PAFAH1B1: variants seen among roughly 807,000 people sequenced by gnomAD.
The protein encoded by PAFAH1B1 is platelet-activating factor acetylhydrolase IB subunit beta.
PAFAH1B1 carries 2 observed loss-of-function variants against 57.5 expected under a neutral mutation model. That is an observed-to-expected ratio of 0.03 (90% CI 0.01 to 0.11). The LOEUF (loss-of-function observed/expected upper bound fraction) is 0.11, where lower values mean the gene tolerates loss of function less well. Ranked by LOEUF, PAFAH1B1 falls within the 10% of genes least tolerant of loss-of-function variation. PAFAH1B1 has a pLI of 1.00. For synonymous variants in PAFAH1B1, 152 were observed against 169.6 expected (o/e 0.90, Z 0.81); for missense variants, 257 against 512.0 (o/e 0.50, Z 4.81).
intron 1 of PAFAH1B1, among the ~76,000 whole-genome samples, chr17:2,599,183 T>G (rs747906150): frequency 4.6e-5 from 7 of 152,230 alleles, no homozygotes; most frequent in Non-Finnish European, 1.0e-4. Flanking sequence ...TTTGTTCTTC[T>G]GCCAGCTACT....
chr17:2,626,560 C>T (rs1213195158), intron 1 of PAFAH1B1, among the ~76,000 whole-genome samples: 1 of 44,972 alleles, frequency 2.2e-5, no homozygotes, highest in African/African-American at 6.8e-5. Context: ...TCTTCCCCCC[C>T]CCCCCCCCCC....
At chr17:2,630,304 G>A (rs2068539887) in intron 1 of PAFAH1B1, among the ~76,000 whole-genome samples, 1 of 152,146 alleles carries the variant, frequency 6.6e-6, no homozygotes. Flanking sequence ...TGGTGGCTTG[G>A]TAATGGTGAA....
At chr17:2,637,595 G>A (rs563992269) in intron 1 of PAFAH1B1, among the ~76,000 whole-genome samples, 2 of 152,178 alleles carry the variant, frequency 1.3e-5, no homozygotes, top group Admixed American at 1.3e-4. Flanking sequence ...AATAAAAAGC[G>A]TAAGATTGCT....
At position 2,677,983 on chromosome 17, in the gene PAFAH1B1, G is replaced by A. The variant is rs1462979024; in HGVS notation, c.1002+1377G>A. 3.9e-5 allele frequency among the ~76,000 whole-genome samples: 6 copies of A among 152,074 alleles called. No homozygotes were observed. The South Asian group carries it at 6.2e-4, about 16-fold the overall frequency. ...ATAATTAAAATAAAGCAGGCCAGGC[G>A]CAGTGGCTCACTCCTGCAATCCCAG... On this transcript the variant is annotated intron_variant, in intron 9 of 10. Transcript: ENST00000397195.
At chr17:2,680,511 G>A (rs551368937) in intron 10 of PAFAH1B1, among the ~76,000 whole-genome samples, 191 bp downstream of exon 10, 3 of 152,134 alleles carry the variant, frequency 2.0e-5, no homozygotes, top group African/African-American at 7.2e-5. Flanking sequence ...TCTTTCCATC[G>A]TTAGCCTTAT....
At chr17:2,673,644 A>T (rs943967980) in intron 7 of PAFAH1B1, 23 of 188,516 alleles carry the variant, frequency 1.2e-4, no homozygotes, top group Admixed American at 8.2e-4. Flanking sequence ...GTCTCAAAAA[A>T]AAAAAACAAA....
chr17:2,621,449 C>T (rs1475030027), intron 1 of PAFAH1B1, among the ~76,000 whole-genome samples: 1 of 152,122 alleles, frequency 6.6e-6, no homozygotes, highest in Non-Finnish European at 1.5e-5. Context: ...TATCAGGAAA[C>T]ATTGCTTAAC....
intron 1 of PAFAH1B1, among the ~76,000 whole-genome samples, chr17:2,606,415 G>T (rs953991018): frequency 3.3e-5 from 5 of 151,960 alleles, no homozygotes; most frequent in African/African-American, 1.2e-4. Context: ...GCCCAGGCTG[G>T]AGTGCAATGA....
At chr17:2,650,860 A>G (rs2068840653) in intron 2 of PAFAH1B1, among the ~76,000 whole-genome samples, 1 of 151,824 alleles carries the variant, frequency 6.6e-6, no homozygotes. Context: ...TAGTGTTTAC[A>G]TTTTTCTTGT....
intron 1 of PAFAH1B1, among the ~76,000 whole-genome samples, chr17:2,629,265 G>A (rs1200408025): frequency 6.6e-6 from 1 of 152,074 alleles, no homozygotes; most frequent in Admixed American, 6.6e-5. Context: ...TGCGTTTGCT[G>A]TATCCCAGAG....
chr17:2,603,741 CTTT>C (rs540782310), intron 1 of PAFAH1B1, among the ~76,000 whole-genome samples: 4 of 144,358 alleles, frequency 2.8e-5, no homozygotes, highest in Non-Finnish European at 4.6e-5. Context: ...TCTCCAGATT[CTTT>C]TTTTTTTTTT....
rs1371814248 is a variant in PAFAH1B1, at chr17:2,683,290, T to G, written c.*1488T>G. 6.6e-6 allele frequency: 1 copy of G among 152,144 alleles called. No individual in the cohort carries two copies. The highest frequency in any genetic ancestry group is 1.5e-5 in the Non-Finnish European group (1 of 67,992). The allele number at this position is 152,144 out of a possible 1,614,324, so 9.4% of individuals were successfully genotyped here. On this transcript the variant is annotated 3_prime_UTR_variant, in exon 11 of 11. Coordinates refer to ENST00000397195, the MANE Select transcript of PAFAH1B1 (RefSeq NM_000430.4). ...AGTTATTAATAAAGAATTCCATTGC[T>G]TAGCTAACCAACAGGTTTTTTTTGT...
At chr17:2,666,896 TA>T in intron 4 of PAFAH1B1, 95 bp from the exon 5 acceptor site, 1 of 812,224 alleles carries the variant, frequency 1.2e-6, no homozygotes, top group Non-Finnish European at 2.1e-6. Flanking sequence ...TCAAGTATCC[TA>T]CATACATAGT....
At chr17:2,614,041 T>TC in intron 1 of PAFAH1B1, 1 of 152,562 alleles carries the variant, frequency 6.6e-6, no homozygotes, top group Non-Finnish European at 1.4e-5. Flanking sequence ...TTTTTTTTTT[T>TC]TGAGACGTGG....
chr17:2,677,687 T>A (rs1418902999), intron 9 of PAFAH1B1, among the ~76,000 whole-genome samples: 1 of 151,920 alleles, frequency 6.6e-6, no homozygotes, highest in Non-Finnish European at 1.5e-5. Flanking sequence ...ACCCCGTCTC[T>A]ACTAAAAATA....
intron 2 of PAFAH1B1, among the ~76,000 whole-genome samples, chr17:2,651,207 C>G (rs1433007187): frequency 1.3e-5 from 2 of 151,906 alleles, no homozygotes; most frequent in Non-Finnish European, 2.9e-5. Flanking sequence ...CTTATAAAAC[C>G]TTGCATTGGT....
chr17:2,680,289 C>T lies in PAFAH1B1; in HGVS notation c.1128C>T (p.Leu376=). ...DYKNKRCMKT[L]NAHEHFVTSL... ...AGAACAAGCGATGCATGAAGACCCTCAATGCGCATGAACACTTTGTTACCT... is the reference window on the plus strand; with the variant it reads ...AGAACAAGCGATGCATGAAGACCCTTAATGCGCATGAACACTTTGTTACCT... The change falls in exon 10 of 11, where the codon CTC becomes CTT. Residue 376 remains leucine, a synonymous_variant. Coordinates refer to ENST00000397195, the MANE Select transcript of PAFAH1B1 (RefSeq NM_000430.4). 6.2e-7 allele frequency: 1 copy of T among 1,614,020 alleles called. No homozygotes were observed. Among genetic ancestry groups the T allele is most frequent in the South Asian group, 1.1e-5 (1 of 91,084 alleles).
chr17:2,620,146 C>T (rs768229739), intron 1 of PAFAH1B1, among the ~76,000 whole-genome samples: 5 of 152,030 alleles, frequency 3.3e-5, no homozygotes, highest in Admixed American at 2.0e-4. Flanking sequence ...GAAGAAAGTG[C>T]GTAATCTCTT....
At chr17:2,593,211 G>A (rs1057275553), upstream of PAFAH1B1, 2 of 152,146 alleles carry the variant, frequency 1.3e-5, no homozygotes, top group African/African-American at 4.8e-5. Context: ...GGAGGCCGGA[G>A]GCAGAAAGGG....
Sources: allele counts gnomAD v4.1 joint callset (sites outside exome capture counted in the v4.1 genomes callset), GRCh38; gene constraint gnomAD v4.1.1; transcripts MANE v1.5; gene names NCBI Gene and HGNC (gene_info 2026-07-23, HGNC 2026-07-21).